The following ZNF274 variants were observed in gnomAD, a reference collection of about 807,000 sequenced individuals.
The protein encoded by ZNF274 is neurotrophin receptor-interacting factor homolog.
In ZNF274, 23 loss-of-function variants were observed where a neutral mutation model predicts 42.5. The ratio of observed to expected loss-of-function variants is 0.54; its 90% confidence interval spans 0.39 to 0.77. The LOEUF (loss-of-function observed/expected upper bound fraction) is 0.77, where lower values mean the gene tolerates loss of function less well. ZNF274 is among the 30% of genes least tolerant of loss of function. ZNF274 has a pLI of 0.00. For synonymous variants in ZNF274, 292 were observed against 305.4 expected (o/e 0.96, Z 0.46); for missense variants, 679 against 806.5 (o/e 0.84, Z 1.91).
At chr19:58,184,109 G>C in intron 2 of ZNF274, 111 bp downstream of exon 2, 2 of 1,271,294 alleles carry the variant, frequency 1.6e-6, no homozygotes, top group Non-Finnish European at 2.2e-6. Context: ...GAGCACCTCG[G>C]GGAGGGGGTA....
intron 4 of ZNF274, among the ~76,000 whole-genome samples, chr19:58,188,676 G>GTGTATATATATGTATATGTATATATA (rs1555816861): frequency 6.3e-5 from 5 of 79,740 alleles, no homozygotes; most frequent in Non-Finnish European, 2.5e-5. Context: ...GTGTGTGTGT[G>GTGTATATATATGTATATGTATATATA]TATATATATA....
At chr19:58,196,632 G>A (rs1392458916) in intron 4 of ZNF274, among the ~76,000 whole-genome samples, 1 of 152,162 alleles carries the variant, frequency 6.6e-6, no homozygotes, top group East Asian at 1.9e-4. Context: ...GTTTGATGAG[G>A]TGAGTGTTTT....
chr19:58,205,630 G>A (rs2075971546), intron 4 of ZNF274, among the ~76,000 whole-genome samples: 1 of 152,154 alleles, frequency 6.6e-6, no homozygotes, highest in African/African-American at 2.4e-5. Context: ...CCACCCCGCT[G>A]GCCAAATTAT....
rs555660153 is a variant in ZNF274 at position 58,210,125 on chromosome 19, G to T, written c.852+52G>T. 3.0e-5 allele frequency: 45 copies of T among 1,489,150 alleles called. No homozygotes were observed. In the South Asian group the frequency reaches 4.6e-4, roughly 15 times the overall value. The allele number at this position is 1,489,150 out of a possible 1,614,324, so 92.2% of individuals were successfully genotyped here. A position where few individuals can be genotyped will look rare whatever the true frequency, so the allele number is the denominator to read the frequency against. The stretch of plus-strand genomic sequence containing the variant: ...GGTCACAGCATCTCCTGTGAGGCAG[G>T]CCCACCCCTGAGGCATCCACTCTGC... On this transcript the variant is annotated intron_variant, in intron 6 of 7. Transcript: ENST00000617501.
At chr19:58,190,143 ATC>A (rs1198825236) in intron 4 of ZNF274, among the ~76,000 whole-genome samples, 3 of 145,848 alleles carry the variant, frequency 2.1e-5, no homozygotes, top group African/African-American at 5.0e-5. Context: ...AAAAAAATTT[ATC>A]TCTCTCTTTT....
rs182810864 is a variant in ZNF274 at position 58,212,635 on chromosome 19, G to A, written c.1454G>A (p.Arg485Lys). ...AAGGCCAAGGAAGGCAATGGTTGTAGGAAAACCTTCAGTCGGAGTACTAAA... is the reference window on the plus strand; with the variant it reads ...AAGGCCAAGGAAGGCAATGGTTGTAAGAAAACCTTCAGTCGGAGTACTAAA... The part of the protein sequence containing the change: ...RQKAKEGNGC[R>K]KTFSRSTKQI... The change falls in exon 8 of 8, where the codon AGG becomes AAG. Residue 485 changes from arginine to lysine, a missense_variant. Transcript: ENST00000617501. The surrounding 1 kb of genome is among the most constrained non-coding windows in gnomAD (Gnocchi z 4.6). The A allele has an allele frequency of 8.7e-6, 14 of 1,614,036 alleles. No homozygotes were observed. In the Admixed American group the frequency reaches 1.0e-4, roughly 12 times the overall value.
intron 4 of ZNF274, among the ~76,000 whole-genome samples, chr19:58,187,561 A>G (rs2075715097): frequency 6.6e-6 from 1 of 151,836 alleles, no homozygotes; most frequent in Non-Finnish European, 1.5e-5. Flanking sequence ...AGCTGGATCT[A>G]TAGGCATGTA....
intron 1 of ZNF274, 56 bp from the exon 2 acceptor site, chr19:58,183,865 G>A: frequency 1.6e-6 from 2 of 1,227,970 alleles, no homozygotes; most frequent in Non-Finnish European, 2.3e-6. Flanking sequence ...GGCTGCGGTA[G>A]CTCCCCAGCG....
rs377486346 is a variant in ZNF274, at chr19:58,207,099, A to C, written c.636A>C (p.Ala212=). The C allele has an allele frequency of 1.2e-6, 2 of 1,613,914 alleles. No homozygotes were observed. Among genetic ancestry groups the C allele is most frequent in the Non-Finnish European group, 1.7e-6 (2 of 1,179,942 alleles). The change falls in exon 5 of 8, where the codon GCA becomes GCC. Residue 212 remains alanine (A), a synonymous_variant. Coordinates refer to ENST00000617501, the MANE Select transcript of ZNF274 (RefSeq NM_133502.3). This position sits in a 1 kb window ranked among gnomAD's most constrained non-coding sequence, Gnocchi z 5.6. ...TGGTGCTGGAGCAGTTCCTAGGTGC[A>C]CTGCCTGTGAAGCTCCGGACATGGG... ...ELLVLEQFLG[A]LPVKLRTWVE...
chr19:58,209,169 T>C (rs1422675986), intron 5 of ZNF274: 2 of 152,354 alleles, frequency 1.3e-5, no homozygotes, highest in Non-Finnish European at 2.9e-5. Context: ...GGCTTCATCA[T>C]GGGCAGGCTG....
rs2075991511 is a variant in ZNF274, at chr19:58,207,296, A to T, written c.739+94A>T. 4.1e-6 allele frequency: 6 copies of T among 1,471,050 alleles called. No individual in the cohort carries two copies. The South Asian group carries it at 5.7e-5, about 14-fold the overall frequency. 91.1% of individuals were successfully genotyped at this position (1,471,050 alleles called of 1,614,324 possible). ...GAACTCCAGGCTTCCTAGGAAGGTCATGGGAAGGATTGTGTCCGCTCCATA... is the reference window on the plus strand; with the variant it reads ...GAACTCCAGGCTTCCTAGGAAGGTCTTGGGAAGGATTGTGTCCGCTCCATA... On this transcript the variant is annotated intron_variant, in intron 5 of 7. Coordinates refer to ENST00000617501, the MANE Select transcript of ZNF274 (RefSeq NM_133502.3). This position sits in a 1 kb window ranked among gnomAD's most constrained non-coding sequence, Gnocchi z 5.6.
Position 58,207,803 on chromosome 19 carries a change from G to T in ZNF274, c.739+601G>T, listed in dbSNP as rs139833159. 4.9e-3 allele frequency among the ~76,000 whole-genome samples: 741 copies of T among 152,374 alleles called. 5 individuals are homozygous for T. Among genetic ancestry groups the T allele is most frequent in the Non-Finnish European group, 7.5e-3 (511 of 68,046 alleles). ...GCAGAGGTTGGAGCTGGCACTGCCA[G>T]TGGGGACTTTAGTCCTAAAGCAAAG... On this transcript the variant is annotated intron_variant, in intron 5 of 7. Transcript: ENST00000617501. This position sits in a 1 kb window ranked among gnomAD's most constrained non-coding sequence, Gnocchi z 5.6.
intron 4 of ZNF274, chr19:58,202,221 A>G (rs1331297667): frequency 1.3e-5 from 2 of 152,274 alleles, no homozygotes; most frequent in African/African-American, 2.4e-5. Flanking sequence ...ATACCTGGCT[A>G]ATCAGCATTC....
At chr19:58,185,929 AG>A in intron 3 of ZNF274, 91 bp downstream of exon 3, 1 of 1,190,070 alleles carries the variant, frequency 8.4e-7, no homozygotes, top group South Asian at 3.4e-5. Context: ...CTCACACTGC[AG>A]GGGCACCAGT....
chr19:58,211,649 T>C lies in ZNF274; in HGVS notation c.942T>C (p.Asp314=), dbSNP rs1412851215. 4 of 1,613,582 alleles carry C rather than the reference T, an allele frequency of 2.5e-6. No homozygotes were observed. The highest frequency in any genetic ancestry group is 1.3e-5 in the African/African-American group (1 of 74,866). Reference sequence around the variant, plus strand: ...CGACACAGAGGACCGAGTACCGCGATGTGATGCTGGAGACCTTTGGGCACC... The same window carrying C: ...CGACACAGAGGACCGAGTACCGCGACGTGATGCTGGAGACCTTTGGGCACC... The part of the protein sequence containing the change: ...LGPTQRTEYR[D]VMLETFGHLV... The change falls in exon 7 of 8, where the codon GAT becomes GAC. Residue 314 remains aspartate, a synonymous_variant. Coordinates refer to ENST00000617501, the MANE Select transcript of ZNF274 (RefSeq NM_133502.3). The surrounding 1 kb of genome is among the most constrained non-coding windows in gnomAD (Gnocchi z 4.8).
rs1391075170 is a variant in ZNF274 at position 58,183,321 on chromosome 19, A to C, written c.-167A>C. On this transcript the variant is annotated 5_prime_UTR_variant, in exon 1 of 8. It removes an upstream start codon present in the reference 5' UTR. Coordinates refer to ENST00000617501, the MANE Select transcript of ZNF274 (RefSeq NM_133502.3). ...TGCCGCCCCTAACCGGCCAGTCAAG[A>C]TGGCCGCCGCTGGGTGAGGCAAGCT... 6.6e-6 allele frequency: 1 copy of C among 152,280 alleles called. No individual in the cohort carries two copies. The highest frequency in any genetic ancestry group is 2.4e-5 in the African/African-American group (1 of 41,452). The allele number at this position is 152,280 out of a possible 1,614,324, so 9.4% of individuals were successfully genotyped here. A position where few individuals can be genotyped will look rare whatever the true frequency, so the allele number is the denominator to read the frequency against.
At chr19:58,206,598 T>C (rs1028720622) in intron 4 of ZNF274, 122 bp from the exon 5 acceptor site, 5 of 1,133,280 alleles carry the variant, frequency 4.4e-6, no homozygotes, top group Non-Finnish European at 3.7e-6. Context: ...GTAACAGCCA[T>C]GCTAGTGGGT....
Position 58,212,188 on chromosome 19 carries a change from A to G in ZNF274, c.1007A>G (p.Glu336Gly). 2 of 1,608,972 alleles carry G rather than the reference A, an allele frequency of 1.2e-6. No individual in the cohort carries two copies. The highest frequency in any genetic ancestry group is 1.7e-6 in the Non-Finnish European group (2 of 1,179,480). The stretch of plus-strand genomic sequence containing the variant: ...TGGGAGACTACACTGGAAAATAAAG[A>G]GTTAGCTCCAAATTCTGACATTCCT... ...VGWETTLENK[E>G]LAPNSDIPEE... Residue 336 changes from glutamate (E) to glycine (G), a missense_variant, in exon 8 of 8, where the codon GAG becomes GGG. By Grantham distance (98) the Glu-to-Gly change is moderately conservative (BLOSUM62 -2). Coordinates refer to ENST00000617501, the MANE Select transcript of ZNF274 (RefSeq NM_133502.3). This position sits in a 1 kb window ranked among gnomAD's most constrained non-coding sequence, Gnocchi z 4.6.
In ZNF274 at chr19:58,204,914, G is replaced by A. The variant is rs549431646; in HGVS notation, c.257-1806G>A. On this transcript the variant is annotated intron_variant, in intron 4 of 7. Transcript: ENST00000617501. Reference sequence around the variant, plus strand: ...TGTAGAGAGAGTCAAAGGCAGGTAGGGAGTGAGAAGACGTGCATTCATAAG... The same window carrying A: ...TGTAGAGAGAGTCAAAGGCAGGTAGAGAGTGAGAAGACGTGCATTCATAAG... 1.2e-4 allele frequency among the ~76,000 whole-genome samples: 19 copies of A among 152,300 alleles called. No individual in the cohort carries two copies. In the South Asian group the frequency reaches 3.9e-3, roughly 32 times the overall value.
Sources: allele counts gnomAD v4.1 joint callset (sites outside exome capture counted in the v4.1 genomes callset), GRCh38; gene constraint gnomAD v4.1.1; non-coding constraint Gnocchi (gnomAD v3.1); transcripts MANE v1.5; gene names NCBI Gene and HGNC (gene_info 2026-07-23, HGNC 2026-07-21).